Variants in PTMA observed in about 807,000 individuals in gnomAD.
PTMA encodes the protein gene sequence 28.
Under a neutral mutation model 16.9 loss-of-function variants are expected in PTMA, and 4 were observed. That is an observed-to-expected ratio of 0.24 (90% CI 0.12 to 0.54). The LOEUF is 0.54. Ranked by LOEUF, PTMA falls within the 20% of genes least tolerant of loss-of-function variation. The pLI is 0.95. For synonymous variants in PTMA, 58 were observed against 47.9 expected (o/e 1.21, Z -0.87); for missense variants, 120 against 137.7 (o/e 0.87, Z 0.64).
chr2:231,711,283 G>C, intron 1 of PTMA, 65 bp from the exon 2 acceptor site: 1 of 1,359,732 alleles, frequency 7.4e-7, no homozygotes, highest in Non-Finnish European at 1.1e-6. Context: ...AGTTCTCAGC[G>C]CCTTTGCTTA....
intron 1 of PTMA, among the ~76,000 whole-genome samples, chr2:231,709,502 A>G (rs971858850): frequency 1.3e-5 from 2 of 152,126 alleles, no homozygotes; most frequent in Non-Finnish European, 2.9e-5. Flanking sequence ...GGAAAGAGAA[A>G]GTGAAGCGCG....
intron 1 of PTMA, chr2:231,710,213 TG>T: frequency 1.5e-6 from 2 of 1,340,128 alleles, no homozygotes; most frequent in Non-Finnish European, 1.9e-6. Flanking sequence ...GTGGCGGCAG[TG>T]GGGCGTCGAG....
At chr2:231,710,807 T>C (rs2048508662) in intron 1 of PTMA, 1 of 311,862 alleles carries the variant, frequency 3.2e-6, no homozygotes, top group Non-Finnish European at 6.5e-6. Context: ...GGGGGGTCGG[T>C]GTGCTTTGGC....
rs370522407 is a variant in PTMA at position 231,710,155 on chromosome 2, C to T, written c.46-1193C>T. 7.6e-3 allele frequency: 9,640 copies of T among 1,265,670 alleles called. 46 individuals are homozygous for T. The highest frequency in any genetic ancestry group is 9.4e-3 in the African/African-American group (607 of 64,878). 78.4% of individuals were successfully genotyped at this position (1,265,670 alleles called of 1,614,324 possible). ...GCAGCCCGGTGGACTTTGGGGCGACCTCCCGTGGGACTTGGCCCGCCGAAT... is the reference window on the plus strand; with the variant it reads ...GCAGCCCGGTGGACTTTGGGGCGACTTCCCGTGGGACTTGGCCCGCCGAAT... On this transcript the variant is annotated intron_variant, in intron 1 of 4. Coordinates refer to ENST00000409115, the MANE Select transcript of PTMA (RefSeq NM_002823.5).
intron 1 of PTMA, chr2:231,710,121 C>A: frequency 8.0e-7 from 1 of 1,245,260 alleles, no homozygotes; most frequent in Non-Finnish European, 1.0e-6. Context: ...CCGACAGTCT[C>A]GGACCTACGC....
chr2:231,709,959 C>T, intron 1 of PTMA: 1 of 785,238 alleles, frequency 1.3e-6, no homozygotes, highest in African/African-American at 1.8e-5. Flanking sequence ...TCCACAGGGG[C>T]TCTCAGTGAC....
rs567478080 is a variant in PTMA, at chr2:231,712,986, C to T, written c.*135C>T. ...CGCCCGCCCACCGTGGGCAGTGCCA[C>T]CCGCAGATGACACGCGCTCTCCACC... On this transcript the variant is annotated 3_prime_UTR_variant, in exon 5 of 5. Transcript: ENST00000409115. The T allele has an allele frequency of 1.7e-4, 154 of 890,956 alleles. 1 individual carries two copies. In the African/African-American group the frequency reaches 2.1e-3, roughly 12 times the overall value. 55.2% of individuals were successfully genotyped at this position (890,956 alleles called of 1,614,324 possible). A position where few individuals can be genotyped will look rare whatever the true frequency, so the allele number is the denominator to read the frequency against.
intron 2 of PTMA, 122 bp from the exon 3 acceptor site, chr2:231,711,768 C>T: frequency 2.0e-6 from 3 of 1,520,562 alleles, no homozygotes; most frequent in Non-Finnish European, 1.8e-6. Flanking sequence ...CTGGGGTGGG[C>T]TTGGCTTGGC....
chr2:231,712,539 G>C (rs367623743), intron 4 of PTMA, 23 bp downstream of exon 4: 4 of 1,612,340 alleles, frequency 2.5e-6, no homozygotes, highest in Non-Finnish European at 8.5e-7. Context: ...TTGAGAAGAA[G>C]GGGGGTTTGG....
At chr2:231,708,862 G>A (rs1279394241) in intron 1 of PTMA, 111 bp downstream of exon 1, 1 of 1,302,792 alleles carries the variant, frequency 7.7e-7, no homozygotes, top group African/African-American at 1.5e-5. Flanking sequence ...CTCTCGCGGG[G>A]AAACGGCCCG....
At chr2:231,709,455 C>G (rs1243200725) in intron 1 of PTMA, among the ~76,000 whole-genome samples, 1 of 152,194 alleles carries the variant, frequency 6.6e-6, no homozygotes, top group Non-Finnish European at 1.5e-5. Context: ...CGGTGCCGGG[C>G]TTGGCTGAGG....
chr2:231,711,690 T>C, intron 2 of PTMA, 200 bp from the exon 3 acceptor site: 1 of 1,025,432 alleles, frequency 9.8e-7, no homozygotes, highest in Non-Finnish European at 1.4e-6. Context: ...GGAAAAGCCC[T>C]TGTCCTGGGG....
At chr2:231,710,431 C>T (rs1457474226) in intron 1 of PTMA, 16 of 1,153,662 alleles carry the variant, frequency 1.4e-5, no homozygotes, top group African/African-American at 1.7e-5. Context: ...CCCACTGCTC[C>T]CCGGGGCTTC....
intron 4 of PTMA, 99 bp from the exon 5 acceptor site, chr2:231,712,704 TG>T: frequency 1.4e-6 from 2 of 1,440,660 alleles, no homozygotes; most frequent in South Asian, 1.3e-5. Flanking sequence ...GCTGTGGAGC[TG>T]GGGGTCCCTG....
At chr2:231,712,738 C>G in intron 4 of PTMA, 66 bp from the exon 5 acceptor site, 1 of 1,537,122 alleles carries the variant, frequency 6.5e-7, no homozygotes, top group Non-Finnish European at 8.8e-7. Context: ...CCAGCAGGAG[C>G]TGAGGCAGTG....
At chr2:231,710,159 C>T in intron 1 of PTMA, 2 of 1,271,508 alleles carry the variant, frequency 1.6e-6, no homozygotes, top group Non-Finnish European at 2.0e-6. Flanking sequence ...GGCGACCTCC[C>T]GTGGGACTTG....
chr2:231,708,778 C>G, intron 1 of PTMA, 27 bp downstream of exon 1: 1 of 1,597,822 alleles, frequency 6.3e-7, no homozygotes, highest in Non-Finnish European at 8.5e-7. Flanking sequence ...CCCGCCCCCT[C>G]GGGGTCCGCG....
intron 1 of PTMA, among the ~76,000 whole-genome samples, chr2:231,709,234 G>C (rs1058315): frequency 0.33 from 50,610 of 152,164 alleles, 10,475 homozygotes; most frequent in African/African-American, 0.59. Flanking sequence ...CGCCAGGCCG[G>C]CGGTTTCGCG....
rs1465196095 is a variant in PTMA, at chr2:231,708,744, C to A, written c.38C>A (p.Thr13Asn). The change falls in exon 1 of 5, where the codon ACC becomes AAC. Residue 13 changes from threonine to asparagine, a missense_variant. Coordinates refer to ENST00000409115, the MANE Select transcript of PTMA (RefSeq NM_002823.5). ...GCCGTAGACACCAGCTCCGAAATCA[C>A]CACCAAGGTGAGGCTGGACGCCGCC... ...DAAVDTSSEI[T>N]TKDLKEKKEV... 1.9e-6 allele frequency: 3 copies of A among 1,603,470 alleles called. No homozygotes were observed. The highest frequency in any genetic ancestry group is 1.7e-6 in the Non-Finnish European group (2 of 1,179,608).
Sources: allele counts gnomAD v4.1 joint callset (sites outside exome capture counted in the v4.1 genomes callset), GRCh38; gene constraint gnomAD v4.1.1; transcripts MANE v1.5; gene names NCBI Gene and HGNC (gene_info 2026-07-23, HGNC 2026-07-21).